PHF14: variants seen among roughly 807,000 people sequenced by gnomAD.
The protein encoded by PHF14 is PHD finger protein 14.
Under a neutral mutation model 117.9 loss-of-function variants are expected in PHF14, and 55 were observed. The ratio of observed to expected loss-of-function variants is 0.47; its 90% CI spans 0.38 to 0.58. The LOEUF (loss-of-function observed/expected upper bound fraction) is 0.58, where lower values mean the gene tolerates loss of function less well. Ranked by LOEUF, PHF14 falls within the 20% of genes least tolerant of loss-of-function variation. The pLI is 0.00. For missense variants in PHF14, 978 were observed against 1,122.2 expected (o/e 0.87, Z 1.84); for synonymous variants, 409 against 368.6 (o/e 1.11, Z -1.26).
At chr7:11,104,523 A>C in intron 16 of PHF14, 2 of 982,162 alleles carry the variant, frequency 2.0e-6, no homozygotes, top group Non-Finnish European at 2.4e-6. Flanking sequence ...ACAGACCTAC[A>C]TAAGAAAAAA....
intron 16 of PHF14, chr7:11,062,324 C>G (rs1325042427): frequency 3.5e-6 from 1 of 286,956 alleles, no homozygotes; most frequent in Non-Finnish European, 6.4e-6. Flanking sequence ...AATTATTTTT[C>G]TCTTGACAAG....
Position 11,130,611 on chromosome 7 carries a change from G to T in PHF14, c.2772+19144G>T, listed in dbSNP as rs1346313685. Reference sequence around the variant, plus strand: ...CTTCCTCCTTCCCCTAGTTTCCTCTGTTACCATCTTGCATTCATGTGGTAC... The same window carrying T: ...CTTCCTCCTTCCCCTAGTTTCCTCTTTTACCATCTTGCATTCATGTGGTAC... On this transcript the variant is annotated intron_variant, in intron 17 of 17. Transcript: ENST00000634607. The surrounding 1 kb of genome is among the most constrained non-coding windows in gnomAD (Gnocchi z 4.2). Among the ~76,000 whole-genome samples the T allele has an allele frequency of 6.6e-6, 1 of 151,724 alleles. No homozygotes were observed. Among genetic ancestry groups the T allele is most frequent in the Non-Finnish European group, 1.5e-5 (1 of 67,902 alleles).
intron 17 of PHF14, among the ~76,000 whole-genome samples, chr7:11,113,477 A>T (rs768470392): frequency 2.0e-5 from 3 of 152,180 alleles, no homozygotes; most frequent in African/African-American, 4.8e-5. Flanking sequence ...ATACCAATAT[A>T]AACAACTAAC....
At chr7:11,158,223 C>G (rs1194955984) in intron 17 of PHF14, among the ~76,000 whole-genome samples, 8 of 152,134 alleles carry the variant, frequency 5.3e-5, no homozygotes, top group African/African-American at 1.7e-4. Context: ...TCAATCTCTT[C>G]CAGTCTGTGG....
At chr7:10,986,683 C>T (rs994349903) in intron 3 of PHF14, among the ~76,000 whole-genome samples, 14 of 152,136 alleles carry the variant, frequency 9.2e-5, no homozygotes, top group Admixed American at 1.3e-4. Context: ...CTTTTTCAGC[C>T]GTTAATCTTG....
chr7:11,159,613 T>A (rs1490156209), intron 17 of PHF14, among the ~76,000 whole-genome samples: 3 of 152,066 alleles, frequency 2.0e-5, no homozygotes, highest in Non-Finnish European at 4.4e-5. Context: ...ATTCTTGACT[T>A]TATCAATGTG....
chr7:11,014,302 A>C (rs1424993584), intron 5 of PHF14, among the ~76,000 whole-genome samples: 1 of 152,226 alleles, frequency 6.6e-6, no homozygotes. Flanking sequence ...AACTTAATAC[A>C]GTGATTTAAA....
chr7:11,082,448 A>G (rs543974293), intron 16 of PHF14, among the ~76,000 whole-genome samples: 1 of 152,348 alleles, frequency 6.6e-6, no homozygotes, highest in African/African-American at 2.4e-5. Context: ...AAATTAGCAT[A>G]ACAAATTTAT....
At chr7:11,163,530 T>C (rs1363171588) in intron 17 of PHF14, among the ~76,000 whole-genome samples, 1 of 152,198 alleles carries the variant, frequency 6.6e-6, no homozygotes, top group African/African-American at 2.4e-5. Flanking sequence ...GGCCAAAGGT[T>C]GTTAAATGTA....
intron 17 of PHF14, among the ~76,000 whole-genome samples, chr7:11,119,178 TA>T (rs749925472): frequency 5.9e-5 from 9 of 151,906 alleles, no homozygotes; most frequent in Non-Finnish European, 1.0e-4. Flanking sequence ...GCCATACATA[TA>T]AATGTCTTTT....
intron 6 of PHF14, 139 bp downstream of exon 6, chr7:11,023,118 G>A: frequency 2.0e-6 from 1 of 512,338 alleles, no homozygotes; most frequent in East Asian, 3.1e-5. Flanking sequence ...ATTTATTATT[G>A]ATAGTAGTTT....
intron 5 of PHF14, among the ~76,000 whole-genome samples, chr7:11,016,070 C>G (rs1409458446): frequency 6.6e-6 from 1 of 152,036 alleles, no homozygotes; most frequent in Non-Finnish European, 1.5e-5. Context: ...AAAACTGAGG[C>G]CTCTTTACCA....
intron 17 of PHF14, among the ~76,000 whole-genome samples, chr7:11,134,210 G>T (rs1415499360): frequency 6.6e-6 from 1 of 151,768 alleles, no homozygotes; most frequent in East Asian, 1.9e-4. Flanking sequence ...CTTAGAAACT[G>T]AGTACTGCCT....
intron 16 of PHF14, chr7:11,107,015 G>T (rs1471674407): frequency 1.0e-6 from 1 of 983,638 alleles, no homozygotes; most frequent in Non-Finnish European, 1.2e-6. Context: ...TCTTTCTAAA[G>T]TTTAGCTTAC....
intron 4 of PHF14, among the ~76,000 whole-genome samples, chr7:11,000,582 A>C (rs981936838): frequency 6.6e-6 from 1 of 151,662 alleles, no homozygotes; most frequent in Non-Finnish European, 1.5e-5. Flanking sequence ...CAAGTGATCC[A>C]CCTGCCTTGG....
intron 7 of PHF14, among the ~76,000 whole-genome samples, chr7:11,031,614 T>C (rs931220544): frequency 3.4e-5 from 5 of 145,678 alleles, no homozygotes; most frequent in Non-Finnish European, 6.0e-5. Context: ...AAAAATTAGC[T>C]GGGTGTGATG....
intron 17 of PHF14, among the ~76,000 whole-genome samples, chr7:11,123,162 A>C (rs1787824804): frequency 6.6e-6 from 1 of 151,944 alleles, no homozygotes; most frequent in South Asian, 2.1e-4. Flanking sequence ...AAAGCTCAAT[A>C]CCACACCCAT....
At chr7:11,114,776 C>A (rs1473209993) in intron 17 of PHF14, among the ~76,000 whole-genome samples, 1 of 152,002 alleles carries the variant, frequency 6.6e-6, no homozygotes, top group Non-Finnish European at 1.5e-5. Flanking sequence ...TACACAGAGA[C>A]ACATACACTC....
intron 17 of PHF14, among the ~76,000 whole-genome samples, chr7:11,132,458 CA>C (rs1436112485): frequency 6.6e-6 from 1 of 151,598 alleles, no homozygotes; most frequent in East Asian, 1.9e-4. Context: ...AATAACATCT[CA>C]TTTATATACC....
Sources: allele counts gnomAD v4.1 joint callset (sites outside exome capture counted in the v4.1 genomes callset), GRCh38; gene constraint gnomAD v4.1.1; non-coding constraint Gnocchi (gnomAD v3.1); transcripts MANE v1.5; gene names NCBI Gene and HGNC (gene_info 2026-07-23, HGNC 2026-07-21).